CAMSAP2: variants seen among roughly 807,000 people sequenced by gnomAD.
The protein encoded by CAMSAP2 is calmodulin-regulated spectrin-associated protein 2.
CAMSAP2 carries 26 observed loss-of-function variants against 146.1 expected under a neutral mutation model. The observed-to-expected ratio is 0.18, with a 90% CI of 0.13 to 0.25. CAMSAP2 has a LOEUF of 0.25. Ranked by LOEUF, CAMSAP2 falls within the 10% of genes least tolerant of loss-of-function variation. The probability of loss-of-function intolerance (pLI) is 1.00; values close to 1 mark genes in which losing one functional copy is unlikely to be tolerated. For synonymous variants in CAMSAP2, 499 were observed against 596.6 expected, an observed-to-expected ratio of 0.84 and a Z score of 2.38; for missense variants, 1,381 against 1,759.3, an observed-to-expected ratio of 0.78 and a Z score of 3.85.
rs1285943750 is a variant in CAMSAP2 at position 200,797,989 on chromosome 1, C to T, written c.400-9387C>T. 3.3e-5 allele frequency among the ~76,000 whole-genome samples: 5 copies of T among 151,950 alleles called. No homozygotes were observed. The South Asian group carries it at 6.2e-4, about 19-fold the overall frequency. ...CAAAGATCAGATAGTTGTAGGTATG[C>T]GGCGTTATTTCTGAGGGCTCTGTCC... is the stretch of plus-strand genomic sequence containing the variant. On this transcript the variant is annotated intron_variant, in intron 2 of 16. Coordinates refer to ENST00000358823, the MANE Select transcript of CAMSAP2 (RefSeq NM_203459.4).
intron 6 of CAMSAP2, among the ~76,000 whole-genome samples, chr1:200,840,871 A>T (rs1275107065): frequency 6.6e-6 from 1 of 152,202 alleles, no homozygotes; most frequent in East Asian, 1.9e-4. Flanking sequence ...ATATTATTTT[A>T]AATAGTTATG....
intron 3 of CAMSAP2, 29 bp downstream of exon 3, chr1:200,807,566 C>T: frequency 1.4e-6 from 2 of 1,420,840 alleles, no homozygotes; most frequent in African/African-American, 1.4e-5. Context: ...GAGTAAATCG[C>T]ATCTCATAGC....
rs1367740156 is a variant in CAMSAP2 at position 200,856,174 on chromosome 1, TAAATG to T, written c.4012+50_4012+54del. 2.2e-6 allele frequency: 3 copies of T among 1,345,018 alleles called. No individual in the cohort carries two copies. The African/African-American group carries it at 4.3e-5, about 19-fold the overall frequency. 83.3% of individuals were successfully genotyped at this position (1,345,018 alleles called of 1,614,324 possible). ...GAAACATTTGAATTTAACACACTCA[TAAATG>T]GAGGGTGTACTAAAGAAAATTTTAT... On this transcript the variant is annotated intron_variant, in intron 15 of 16. Coordinates refer to ENST00000358823, the MANE Select transcript of CAMSAP2 (RefSeq NM_203459.4).
chr1:200,797,608 C>G (rs1395445624), intron 2 of CAMSAP2, among the ~76,000 whole-genome samples: 1 of 88,948 alleles, frequency 1.1e-5, no homozygotes, highest in African/African-American at 4.5e-5. Context: ...AAATTTTCTC[C>G]CATTTTGTAG....
chr1:200,752,945 A>G (rs956063204), intron 1 of CAMSAP2, among the ~76,000 whole-genome samples: 18 of 151,816 alleles, frequency 1.2e-4, no homozygotes, highest in South Asian at 6.2e-4. Context: ...AGTCTCCTTT[A>G]ACCTGGAATA....
intron 6 of CAMSAP2, among the ~76,000 whole-genome samples, chr1:200,839,369 A>G (rs866502363): frequency 6.6e-6 from 1 of 152,204 alleles, no homozygotes; most frequent in South Asian, 2.1e-4. Flanking sequence ...GTGAAGAGGT[A>G]AAAAGATGGT....
In CAMSAP2 at chr1:200,816,752, A is replaced by G. The variant is rs542949765; in HGVS notation, c.645+1108A>G. The stretch of plus-strand genomic sequence containing the variant: ...TATGTGTGTACACACACACGCGTGT[A>G]TATATGTGTGTACACACACACGCGT... On this transcript the variant is annotated intron_variant, in intron 4 of 16. Transcript: ENST00000358823. 2.1e-4 allele frequency among the ~76,000 whole-genome samples: 26 copies of G among 126,544 alleles called. 5 individuals are homozygous for G. The highest frequency in any genetic ancestry group is 6.8e-4 in the African/African-American group (23 of 33,710). 83.0% of individuals were successfully genotyped at this position (126,544 alleles called of 152,430 possible).
intron 2 of CAMSAP2, among the ~76,000 whole-genome samples, chr1:200,762,881 A>G (rs540836907): frequency 1.3e-5 from 2 of 152,150 alleles, no homozygotes; most frequent in African/African-American, 4.8e-5. Flanking sequence ...TATTTAAGGA[A>G]TGGAGTTTAA....
At chr1:200,826,273 A>G (rs1666904522) in intron 4 of CAMSAP2, among the ~76,000 whole-genome samples, 1 of 152,018 alleles carries the variant, frequency 6.6e-6, no homozygotes, top group Non-Finnish European at 1.5e-5. Flanking sequence ...TCTACCAAAA[A>G]ATACAAAAAT....
chr1:200,798,170 C>G (rs1345554454), intron 2 of CAMSAP2, among the ~76,000 whole-genome samples: 1 of 150,530 alleles, frequency 6.6e-6, no homozygotes, highest in Non-Finnish European at 1.5e-5. Context: ...TTTTTGGTTC[C>G]ATATGAACTT....
Position 200,858,297 on chromosome 1 carries a change from ATG to A in CAMSAP2, c.*242_*243del. The A allele has an allele frequency of 2.4e-6, 1 of 410,364 alleles. No homozygotes were observed. Among genetic ancestry groups the A allele is most frequent in the Non-Finnish European group, 4.3e-6 (1 of 233,452 alleles). 25.4% of individuals were successfully genotyped at this position (410,364 alleles called of 1,614,324 possible). A position where few individuals can be genotyped will look rare whatever the true frequency, so the allele number is the denominator to read the frequency against. Reference sequence around the variant, plus strand: ...TTTTAATTCACAAATGGAGATTTGTATGTGTTATCAGGTTCACCTGCTTGATA... The same window carrying A: ...TTTTAATTCACAAATGGAGATTTGTATGTTATCAGGTTCACCTGCTTGATA... On this transcript the variant is annotated 3_prime_UTR_variant, in exon 17 of 17. Transcript: ENST00000358823.
intron 1 of CAMSAP2, 39 bp downstream of exon 1, chr1:200,740,005 A>T (rs373151899): frequency 3.6e-5 from 58 of 1,605,444 alleles, no homozygotes; most frequent in Non-Finnish European, 4.8e-5. Context: ...CTTCCTCCTG[A>T]TGTGGTCCAC....
At chr1:200,740,618 G>A (rs1431909960) in intron 1 of CAMSAP2, among the ~76,000 whole-genome samples, 1 of 152,114 alleles carries the variant, frequency 6.6e-6, no homozygotes, top group Non-Finnish European at 1.5e-5. Context: ...TTTTCCAAAT[G>A]TATTTTGGCT....
chr1:200,851,394 C>T (rs1667614985), intron 11 of CAMSAP2, among the ~76,000 whole-genome samples: 1 of 152,092 alleles, frequency 6.6e-6, no homozygotes, highest in Non-Finnish European at 1.5e-5. Flanking sequence ...GGGGTTTCTC[C>T]ACGTTGGTCA....
At chr1:200,828,563 T>C in intron 4 of CAMSAP2, 1 of 1,550,144 alleles carries the variant, frequency 6.5e-7, no homozygotes, top group Non-Finnish European at 8.7e-7. Flanking sequence ...TCCCGCTGCT[T>C]CCTCTGAAGT....
intron 6 of CAMSAP2, among the ~76,000 whole-genome samples, chr1:200,833,202 A>G (rs2102218800): frequency 6.6e-6 from 1 of 152,238 alleles, no homozygotes; most frequent in East Asian, 1.9e-4. Flanking sequence ...TTTTCTCCTT[A>G]TTTTGTTTTT....
At chr1:200,823,919 T>A (rs958611554) in intron 4 of CAMSAP2, among the ~76,000 whole-genome samples, 7 of 152,224 alleles carry the variant, frequency 4.6e-5, no homozygotes, top group Admixed American at 1.3e-4. Flanking sequence ...TGGACTCATG[T>A]ATACTTAATA....
chr1:200,815,638 T>G lies in CAMSAP2; in HGVS notation c.639T>G (p.Gly213=). ...ATCACACAGTTGAAGCTCCAGGAGG[T>G]CAAAAGGTATTTATTTCAAAAACAA... ...KEHHTVEAPG[G]QKARYRKEQT... is the part of the protein sequence containing the mutation. Residue 213 remains glycine, a synonymous_variant, in exon 4 of 17, where the codon GGT becomes GGG. Coordinates refer to ENST00000358823, the MANE Select transcript of CAMSAP2 (RefSeq NM_203459.4). 1 of 1,548,074 alleles carries G rather than the reference T, an allele frequency of 6.5e-7. No individual in the cohort carries two copies. Among genetic ancestry groups the G allele is most frequent in the Non-Finnish European group, 8.7e-7 (1 of 1,148,368 alleles).
chr1:200,760,876 A>G lies in CAMSAP2; in HGVS notation c.177A>G (p.Thr59=). The stretch of plus-strand genomic sequence containing the variant: ...AGGAACTTCAAGAACCATTTTACAC[A>G]GATCAGTATGACCAGGAACACATCA... ...VPEELQEPFY[T]DQYDQEHIKP... The change falls in exon 2 of 17, where the codon ACA becomes ACG. Residue 59 remains threonine, a synonymous_variant. Coordinates refer to ENST00000358823, the MANE Select transcript of CAMSAP2 (RefSeq NM_203459.4). 1.2e-6 allele frequency: 2 copies of G among 1,613,982 alleles called. No individual in the cohort carries two copies. The highest frequency in any genetic ancestry group is 3.3e-4 in the Middle Eastern group (2 of 6,062).
Sources: gnomAD v4.1 joint callset for allele counts (sites outside exome capture counted in the v4.1 genomes callset) on GRCh38, gnomAD v4.1.1 for gene constraint, MANE v1.5 for transcripts, NCBI Gene and HGNC (gene_info 2026-07-23, HGNC 2026-07-21) for gene names.